SH3PXD2A: variants seen among roughly 807,000 people sequenced by gnomAD.
The protein encoded by SH3PXD2A is SH3 and PX domain-containing protein 2A.
A neutral mutation model predicts 115.2 loss-of-function variants in SH3PXD2A; 32 were observed. That is an observed-to-expected ratio of 0.28 (90% CI 0.21 to 0.37). The LOEUF is 0.37. SH3PXD2A is among the 10% of genes least tolerant of loss of function. SH3PXD2A has a pLI of 1.00. For synonymous variants in SH3PXD2A, 610 were observed against 629.1 expected (o/e 0.97, Z 0.45); for missense variants, 1,328 against 1,498.7 (o/e 0.89, Z 1.88).
intron 5 of SH3PXD2A, 168 bp from the exon 6 acceptor site, chr10:103,693,224 C>A: frequency 5.9e-6 from 1 of 168,930 alleles, no homozygotes; most frequent in Non-Finnish European, 1.2e-5. Flanking sequence ...CACTGCGCGC[C>A]GCGCCCGCCC....
At chr10:103,768,959 T>G (rs541889684) in intron 2 of SH3PXD2A, among the ~76,000 whole-genome samples, 1 of 152,100 alleles carries the variant, frequency 6.6e-6, no homozygotes, top group African/African-American at 2.4e-5. Flanking sequence ...CAGGCTCTTT[T>G]TAACAACTGG....
chr10:103,706,551 T>C (rs1255174098), intron 5 of SH3PXD2A, among the ~76,000 whole-genome samples: 1 of 152,234 alleles, frequency 6.6e-6, no homozygotes, highest in Admixed American at 6.5e-5. Context: ...TGTCTATTTC[T>C]TCCCCTCAAC....
At position 103,602,646 on chromosome 10, in the gene SH3PXD2A, C is replaced by T. The variant is rs777567669; in HGVS notation, c.2572G>A (p.Glu858Lys). Residue 858 changes from glutamate to lysine, a missense_variant, in exon 15 of 15, where the codon GAG becomes AAG. Physicochemically the swap from Glu to Lys is moderately conservative, Grantham distance 56. This residue lies in a region of SH3PXD2A where 574 missense variants were observed against 565.7 expected (regional missense o/e 1.01). Transcript: ENST00000369774. The part of the protein sequence containing the change: ...CSAYQKVQDS[E>K]ISFPAGVEVQ... Reference sequence around the variant, plus strand: ...TCCACGCCCGCGGGGAAGCTGATCTCCGAGTCCTGGACCTTCTGGTAGGCG... The same window carrying T: ...TCCACGCCCGCGGGGAAGCTGATCTTCGAGTCCTGGACCTTCTGGTAGGCG... 6.2e-7 allele frequency: 1 copy of T among 1,614,200 alleles called. No homozygotes were observed. Among genetic ancestry groups the T allele is most frequent in the Non-Finnish European group, 8.5e-7 (1 of 1,180,038 alleles).
At position 103,603,417 on chromosome 10, in the gene SH3PXD2A, C is replaced by A. The variant is rs778498635; in HGVS notation, c.1801G>T (p.Ala601Ser). The A allele has an allele frequency of 6.2e-7, 1 of 1,614,012 alleles. No individual in the cohort carries two copies. Among genetic ancestry groups the A allele is most frequent in the Non-Finnish European group, 8.5e-7 (1 of 1,179,956 alleles). ...RPSPASSLQR[A>S]RFKVGESSED... The stretch of plus-strand genomic sequence containing the variant: ...GAAGACTCACCCACCTTGAAGCGGG[C>A]CCGCTGCAGAGAAGAGGCCGGCGAG... The change falls in exon 15 of 15, where the codon GCC becomes TCC. Residue 601 changes from alanine (A) to serine (S), a missense_variant. Coordinates refer to ENST00000369774, the MANE Select transcript of SH3PXD2A (RefSeq NM_001394015.1).
At position 103,602,907 on chromosome 10, in the gene SH3PXD2A, C is replaced by T. The variant is rs1592255665; in HGVS notation, c.2311G>A (p.Glu771Lys). The T allele has an allele frequency of 6.2e-7, 1 of 1,614,190 alleles. No homozygotes were observed. The highest frequency in any genetic ancestry group is 8.5e-7 in the Non-Finnish European group (1 of 1,180,002). ...CGTAAAGTGCTGATGTCCATCTTCT[C>T]TTGGCTCTGCGACTCTGCTCGGTTT... ...FLNRAESQSQEKMDISTLRRQ... is the reference protein window; with the variant it reads ...FLNRAESQSQKKMDISTLRRQ... The change falls in exon 15 of 15, where the codon GAG becomes AAG. Residue 771 changes from glutamate (E) to lysine (K), a missense_variant. By Grantham distance (56) the Glu-to-Lys change is moderately conservative. Around this residue, in one of 5 missense-constraint regions of SH3PXD2A, gnomAD observed 574 missense variants for 565.7 expected, o/e 1.01. Coordinates refer to ENST00000369774, the MANE Select transcript of SH3PXD2A (RefSeq NM_001394015.1).
chr10:103,817,780 C>T (rs1184423581), intron 1 of SH3PXD2A, among the ~76,000 whole-genome samples: 1 of 152,174 alleles, frequency 6.6e-6, no homozygotes, highest in Admixed American at 6.5e-5. Context: ...GGATGAATCT[C>T]GAAAACATTA....
At chr10:103,769,173 TGTGTGTGTGC>T (rs1380737220) in intron 2 of SH3PXD2A, among the ~76,000 whole-genome samples, 35 of 104,522 alleles carry the variant, frequency 3.3e-4, no homozygotes, top group African/African-American at 1.4e-3. Flanking sequence ...TGTGTGTGTG[TGTGTGTGTGC>T]GCGCGCGCGC....
At chr10:103,702,594 TGC>T (rs2037929428) in intron 5 of SH3PXD2A, among the ~76,000 whole-genome samples, 1 of 138,618 alleles carries the variant, frequency 7.2e-6, no homozygotes, top group African/African-American at 2.8e-5. Flanking sequence ...CCTGTGTGTG[TGC>T]GTGTGTGTGT....
At chr10:103,699,489 C>T (rs771459632) in intron 5 of SH3PXD2A, among the ~76,000 whole-genome samples, 4 of 152,104 alleles carry the variant, frequency 2.6e-5, no homozygotes, top group Non-Finnish European at 5.9e-5. Flanking sequence ...TGTGAGAATT[C>T]GAATTATCTG....
chr10:103,770,691 G>A (rs2038807795), intron 2 of SH3PXD2A, among the ~76,000 whole-genome samples: 1 of 152,124 alleles, frequency 6.6e-6, no homozygotes, highest in Non-Finnish European at 1.5e-5. Context: ...CATTTTCCGT[G>A]GCCAGTGGTC....
At chr10:103,659,686 T>C (rs1193805069) in intron 8 of SH3PXD2A, among the ~76,000 whole-genome samples, 2 of 152,152 alleles carry the variant, frequency 1.3e-5, no homozygotes, top group Admixed American at 6.5e-5. Context: ...ACCACCTTGG[T>C]GATGACTCCA....
chr10:103,708,626 T>A (rs560693642), intron 5 of SH3PXD2A, among the ~76,000 whole-genome samples: 1 of 152,280 alleles, frequency 6.6e-6, no homozygotes, highest in South Asian at 2.1e-4. Context: ...TTGGCAGCCT[T>A]GTCTTCCCTG....
intron 1 of SH3PXD2A, among the ~76,000 whole-genome samples, chr10:103,829,966 G>A (rs1789383517): frequency 6.6e-6 from 1 of 152,216 alleles, no homozygotes; most frequent in African/African-American, 2.4e-5. Flanking sequence ...TGGCTTCTGT[G>A]AATGGGTGAC....
At chr10:103,744,802 C>A (rs1425353974) in intron 3 of SH3PXD2A, among the ~76,000 whole-genome samples, 1 of 152,232 alleles carries the variant, frequency 6.6e-6, no homozygotes, top group Non-Finnish European at 1.5e-5. Context: ...TGACACCATG[C>A]CCTGAGTTCT....
In SH3PXD2A at chr10:103,635,513, A is replaced by ACAGGGGC. The variant is rs572874807; in HGVS notation, c.605-8318_605-8312dup. Reference sequence around the variant, plus strand: ...CTTATGCTGAGATGACCCCTCCCAGACAGGGGCCAGGGGAGGGGCTACCAT... The same window carrying ACAGGGGC: ...CTTATGCTGAGATGACCCCTCCCAGACAGGGGCCAGGGGCCAGGGGAGGGGCTACCAT... On this transcript the variant is annotated intron_variant, in intron 8 of 14. Transcript: ENST00000369774. Among the ~76,000 whole-genome samples, 42 of 152,304 alleles carry ACAGGGGC rather than the reference A, an allele frequency of 2.8e-4. 2 individuals carry two copies. In the South Asian group the frequency reaches 4.1e-3, roughly 15 times the overall value.
In SH3PXD2A at chr10:103,746,460, C is replaced by T. The variant is rs2038504181; in HGVS notation, c.230-10652G>A. Among the ~76,000 whole-genome samples, 1 of 152,148 alleles carries T rather than the reference C, an allele frequency of 6.6e-6. No individual in the cohort carries two copies. Among genetic ancestry groups the T allele is most frequent in the African/African-American group, 2.4e-5 (1 of 41,432 alleles). Reference sequence around the variant, plus strand: ...TCAGCCTCCGGAGTAGCTGGGATTACAGGCATGCGCCACCACACCAGGCTA... The same window carrying T: ...TCAGCCTCCGGAGTAGCTGGGATTATAGGCATGCGCCACCACACCAGGCTA... On this transcript the variant is annotated intron_variant, in intron 3 of 14. Coordinates refer to ENST00000369774, the MANE Select transcript of SH3PXD2A (RefSeq NM_001394015.1). This position sits in a 1 kb window ranked among gnomAD's most constrained non-coding sequence, Gnocchi z 4.4.
chr10:103,776,644 A>G lies in SH3PXD2A; in HGVS notation c.154-9475T>C, dbSNP rs564711842. On this transcript the variant is annotated intron_variant, in intron 2 of 14. Transcript: ENST00000369774. ...AGGGTCTGTCCCATGCCTGTCCCCT[A>G]GCTTCAGGGATGTAAGTCATCTATG... Among the ~76,000 whole-genome samples, 158 of 152,098 alleles carry G rather than the reference A, an allele frequency of 1.0e-3. 1 individual carries two copies. The highest frequency in any genetic ancestry group is 9.1e-3 in the South Asian group (44 of 4,810).
intron 4 of SH3PXD2A, among the ~76,000 whole-genome samples, chr10:103,735,395 A>T (rs2038368074): frequency 6.6e-6 from 1 of 152,238 alleles, no homozygotes; most frequent in Non-Finnish European, 1.5e-5. Flanking sequence ...GCAAAATCTC[A>T]CATAGAGAAG....
intron 8 of SH3PXD2A, among the ~76,000 whole-genome samples, chr10:103,639,541 C>T (rs533945166): frequency 2.5e-4 from 36 of 143,786 alleles, no homozygotes; most frequent in African/African-American, 8.0e-4. Flanking sequence ...ACCTGGGAAG[C>T]GGAGGTTGCA....
Sources: gnomAD v4.1 joint callset for allele counts (sites outside exome capture counted in the v4.1 genomes callset) on GRCh38, gnomAD v4.1.1 for gene constraint, gnomAD v4.1.1 regional missense constraint, Gnocchi (gnomAD v3.1) non-coding constraint, MANE v1.5 for transcripts, NCBI Gene and HGNC (gene_info 2026-07-23, HGNC 2026-07-21) for gene names.